Variants in MUCL1 observed in about 807,000 individuals in gnomAD.
MUCL1 encodes the protein mucin-like protein 1.
Under a neutral mutation model 9.2 loss-of-function variants are expected in MUCL1, and 11 were observed. The observed-to-expected ratio is 1.19, with a 90% CI of 0.75 to 1.97. MUCL1 has a LOEUF of 1.97. Among genes scored for constraint, MUCL1 ranks in the 30% most tolerant of loss-of-function variants. The pLI, the probability that MUCL1 is intolerant of heterozygous loss-of-function variation, is 0.00. For synonymous variants in MUCL1, 48 were observed against 40.5 expected (o/e 1.19, Z -0.71); for missense variants, 144 against 110.9 (o/e 1.30, Z -1.34).
At chr12:54,852,354 A>T (rs1051364194), upstream of MUCL1, among the ~76,000 whole-genome samples, 1 of 152,332 alleles carries the variant, frequency 6.6e-6, no homozygotes, top group East Asian at 1.9e-4. Flanking sequence ...ATAATGCCAC[A>T]CATCTACAAC....
chr12:54,832,048 A>C (rs1383737376), intron 1 of MUCL1, among the ~76,000 whole-genome samples: 1 of 152,086 alleles, frequency 6.6e-6, no homozygotes, highest in Admixed American at 6.6e-5. Context: ...GTTTTTGTTA[A>C]GGGAAAAAGA....
chr12:54,850,795 A>G (rs1024958245), upstream of MUCL1, among the ~76,000 whole-genome samples: 33 of 152,182 alleles, frequency 2.2e-4, no homozygotes, highest in African/African-American at 7.2e-4. Flanking sequence ...AAGTGTTCCT[A>G]TTTCTCCACA....
At chr12:54,833,566 C>T (rs1045939853) in intron 1 of MUCL1, among the ~76,000 whole-genome samples, 1 of 151,844 alleles carries the variant, frequency 6.6e-6, no homozygotes, top group African/African-American at 2.4e-5. Flanking sequence ...AAGTCTTATT[C>T]AAAACTTTTC....
intron 1 of MUCL1, among the ~76,000 whole-genome samples, chr12:54,831,133 C>G (rs538949260): frequency 1.4e-4 from 22 of 152,174 alleles, no homozygotes; most frequent in Non-Finnish European, 2.9e-4. Flanking sequence ...AATGAAAGCA[C>G]TAAGATCTCT....
intron 1 of MUCL1, among the ~76,000 whole-genome samples, chr12:54,832,432 C>A (rs1406969356): frequency 6.6e-6 from 1 of 152,024 alleles, no homozygotes; most frequent in Non-Finnish European, 1.5e-5. Flanking sequence ...TTTATGTTGT[C>A]TTTATCATGT....
chr12:54,854,070 GA>G (rs5798326), upstream of MUCL1, among the ~76,000 whole-genome samples: 68,533 of 152,050 alleles, frequency 0.45, 16,440 homozygotes, highest in East Asian at 0.84. Flanking sequence ...TGCACAGCCT[GA>G]GTTACACCGG....
upstream of MUCL1, among the ~76,000 whole-genome samples, chr12:54,852,465 T>C (rs1868259713): frequency 6.6e-6 from 1 of 152,210 alleles, no homozygotes; most frequent in Non-Finnish European, 1.5e-5. Flanking sequence ...TGTAGAAAGC[T>C]GAAACTGGAT....
chr12:54,838,566 A>G (rs1023221487), upstream of MUCL1, among the ~76,000 whole-genome samples: 1 of 152,120 alleles, frequency 6.6e-6, no homozygotes, highest in African/African-American at 2.4e-5. Flanking sequence ...AGCACAAATG[A>G]TTCTTAGGTT....
In MUCL1 at chr12:54,842,739, A is replaced by G. The variant is rs1196632818; in HGVS notation, c.43+3292A>G. ...ACGTTCTATGAATACAATTGCTTCAACTATAAGTAATTATCTTTTCATAAT... is the reference window on the plus strand; with the variant it reads ...ACGTTCTATGAATACAATTGCTTCAGCTATAAGTAATTATCTTTTCATAAT... On this transcript the variant is annotated intron_variant, in intron 1 of 3. Coordinates refer to the MUCL1 transcript ENST00000546809. Among the ~76,000 whole-genome samples, 3 of 152,108 alleles carry G rather than the reference A, an allele frequency of 2.0e-5. No homozygotes were observed. In the East Asian group the frequency reaches 5.8e-4, roughly 29 times the overall value.
chr12:54,840,258 T>C (rs1959203217), intron 1 of MUCL1, among the ~76,000 whole-genome samples: 1 of 152,226 alleles, frequency 6.6e-6, no homozygotes, highest in Non-Finnish European at 1.5e-5. Flanking sequence ...TCCTTGGTTA[T>C]AGATAGCCTT....
At chr12:54,842,325 C>T (rs553894060) in intron 1 of MUCL1, among the ~76,000 whole-genome samples, 3 of 151,772 alleles carry the variant, frequency 2.0e-5, no homozygotes, top group South Asian at 2.1e-4. Flanking sequence ...GTATATTGAC[C>T]TTGTAGATAG....
chr12:54,856,154 T>C (rs189535804), intron 2 of MUCL1, among the ~76,000 whole-genome samples: 83 of 152,324 alleles, frequency 5.4e-4, no homozygotes, highest in African/African-American at 1.9e-3. Flanking sequence ...TCTCCTGTTA[T>C]ATCTAATGTG....
upstream of MUCL1, among the ~76,000 whole-genome samples, chr12:54,850,262 A>G (rs1398039704): frequency 2.0e-5 from 3 of 151,420 alleles, no homozygotes; most frequent in African/African-American, 2.4e-5. Context: ...TGCACCCATT[A>G]ACTCGTCATT....
chr12:54,830,873 C>G (rs567320769), exon 1 of MUCL1: 3 of 152,174 alleles, frequency 2.0e-5, no homozygotes, highest in Non-Finnish European at 4.4e-5. Flanking sequence ...TTTGTACACT[C>G]AGGTGAGTGT....
At chr12:54,839,045 G>A (rs893019621), upstream of MUCL1, among the ~76,000 whole-genome samples, 1 of 151,924 alleles carries the variant, frequency 6.6e-6, no homozygotes, top group African/African-American at 2.4e-5. Context: ...TCTCACTTGG[G>A]TAGACTATTT....
chr12:54,831,216 GTAT>G (rs1959185001), intron 1 of MUCL1, among the ~76,000 whole-genome samples: 1 of 151,994 alleles, frequency 6.6e-6, no homozygotes, highest in African/African-American at 2.4e-5. Flanking sequence ...CTCCCAAATG[GTAT>G]TATCAAATTA....
chr12:54,839,418 A>G (rs1272078021), exon 1 of MUCL1: 3 of 702,064 alleles, frequency 4.3e-6, no homozygotes, highest in African/African-American at 1.7e-5. Flanking sequence ...GGAGGTGACC[A>G]TGGGTATCAA....
At chr12:54,836,764 GT>G (rs1400554239), upstream of MUCL1, among the ~76,000 whole-genome samples, 1 of 152,096 alleles carries the variant, frequency 6.6e-6, no homozygotes, top group Admixed American at 6.5e-5. Flanking sequence ...TATGCCAGAG[GT>G]TTTGATAACT....
upstream of MUCL1, among the ~76,000 whole-genome samples, chr12:54,852,904 T>C (rs1462669160): frequency 3.3e-5 from 5 of 152,156 alleles, no homozygotes; most frequent in Admixed American, 3.3e-4. Context: ...TTTCTTAGCG[T>C]TATTTATGCT....
Sources: gnomAD v4.1 joint callset for allele counts (sites outside exome capture counted in the v4.1 genomes callset) on GRCh38, gnomAD v4.1.1 for gene constraint, MANE v1.5 for transcripts, NCBI Gene and HGNC (gene_info 2026-07-23, HGNC 2026-07-21) for gene names.